PACRG: variants seen among roughly 807,000 people sequenced by gnomAD.
PACRG encodes parkin coregulated.
A neutral mutation model predicts 29.7 loss-of-function variants in PACRG; 29 were observed. The observed-to-expected ratio is 0.98, with a 90% confidence interval of 0.73 to 1.33. PACRG has a LOEUF of 1.33. Among genes scored for constraint, PACRG ranks in the 40% most tolerant of loss-of-function variants. The pLI, the probability that PACRG is intolerant of heterozygous loss-of-function variation, is 0.00. For missense variants in PACRG, 279 were observed against 316.2 expected (o/e 0.88, Z 0.89); for synonymous variants, 116 against 118.7 (o/e 0.98, Z 0.15).
chr6:162,989,813 G>A (rs1164266112), intron 2 of PACRG, among the ~76,000 whole-genome samples: 1 of 148,028 alleles, frequency 6.8e-6, no homozygotes, highest in African/African-American at 2.5e-5. Flanking sequence ...ATGTATACAT[G>A]TGCCATGCTG....
At chr6:162,986,059 A>G (rs925836864) in intron 2 of PACRG, among the ~76,000 whole-genome samples, 4 of 152,204 alleles carry the variant, frequency 2.6e-5, no homozygotes, top group African/African-American at 9.6e-5. Flanking sequence ...GAAAGAAATC[A>G]TAGTTGACAC....
At position 163,196,154 on chromosome 6, in the gene PACRG, G is replaced by T. The variant is rs182324277; in HGVS notation, c.613+106746G>T. Among the ~76,000 whole-genome samples, 42 of 152,334 alleles carry T rather than the reference G, an allele frequency of 2.8e-4. No homozygotes were observed. In the East Asian group the frequency reaches 3.3e-3, roughly 12 times the overall value. ...TCTCGCACAGCGTTTCCGCGAGAACGTTCCCTGATCATCTAGAGTTAGGGA... is the reference window on the plus strand; with the variant it reads ...TCTCGCACAGCGTTTCCGCGAGAACTTTCCCTGATCATCTAGAGTTAGGGA... On this transcript the variant is annotated intron_variant, in intron 4 of 4. Transcript: ENST00000366888.
rs377273822 is a variant in PACRG at position 162,728,374 on chromosome 6, A to G, written c.139A>G (p.Met47Val). Residue 47 changes from methionine (M) to valine (V), a missense_variant, in exon 1 of 5, where the codon ATG (methionine) becomes GTG (valine). By Grantham distance (21) the Met-to-Val change is conservative. Coordinates refer to ENST00000366888, the MANE Select transcript of PACRG (RefSeq NM_001080379.2). ...LVSEGFTVKAMMKNSVVRGPP... is the reference protein window; with the variant it reads ...LVSEGFTVKAVMKNSVVRGPP... Reference sequence around the variant, plus strand: ...TTCTGAGGGTTTCACAGTCAAAGCCATGATGAAAAACTCAGTCGTAAGTGA... The same window carrying G: ...TTCTGAGGGTTTCACAGTCAAAGCCGTGATGAAAAACTCAGTCGTAAGTGA... 6.8e-6 allele frequency: 11 copies of G among 1,612,908 alleles called. No individual in the cohort carries two copies. The highest frequency in any genetic ancestry group is 1.6e-4 in the Middle Eastern group (1 of 6,062).
intron 2 of PACRG, among the ~76,000 whole-genome samples, chr6:162,911,136 T>G (rs1796271936): frequency 6.6e-6 from 1 of 152,252 alleles, no homozygotes; most frequent in African/African-American, 2.4e-5. Flanking sequence ...CTTAGACAAT[T>G]AAAATCAAGA....
intron 3 of PACRG, among the ~76,000 whole-genome samples, chr6:163,071,860 A>T (rs1000320116): frequency 6.6e-6 from 1 of 151,838 alleles, no homozygotes; most frequent in African/African-American, 2.4e-5. Flanking sequence ...AAACACATAA[A>T]AACCTACCTA....
chr6:163,267,853 C>T (rs968502585), intron 4 of PACRG, among the ~76,000 whole-genome samples: 2 of 152,160 alleles, frequency 1.3e-5, no homozygotes, highest in Non-Finnish European at 2.9e-5. Context: ...GGCTCACTCT[C>T]TGATGTTTCT....
intron 4 of PACRG, among the ~76,000 whole-genome samples, chr6:163,248,101 G>T (rs916459477): frequency 6.6e-6 from 1 of 152,172 alleles, no homozygotes; most frequent in African/African-American, 2.4e-5. Context: ...ATGGCAACAA[G>T]GGTCATCAAT....
chr6:163,186,603 C>T (rs1212795520), intron 4 of PACRG, among the ~76,000 whole-genome samples: 1 of 152,162 alleles, frequency 6.6e-6, no homozygotes, highest in Admixed American at 6.5e-5. Context: ...CCGCTTCTGG[C>T]AGCCTCTTCC....
intron 2 of PACRG, among the ~76,000 whole-genome samples, chr6:162,913,309 A>G (rs1055026057): frequency 1.3e-5 from 2 of 152,284 alleles, no homozygotes; most frequent in East Asian, 3.9e-4. Context: ...TACAACATGT[A>G]CTGTGTTTGT....
rs1334311194 is a variant in PACRG, at chr6:162,959,236, G to C, written c.292-102914G>C. The stretch of plus-strand genomic sequence containing the variant: ...GCCTGGCCAACACATGGATATTATA[G>C]CGGGTGTATTGGAAGACAATAATTG... On this transcript the variant is annotated intron_variant, in intron 2 of 4. Coordinates refer to ENST00000366888, the MANE Select transcript of PACRG (RefSeq NM_001080379.2). Among the ~76,000 whole-genome samples the C allele has an allele frequency of 2.6e-5, 4 of 152,058 alleles. 1 individual carries two copies. The highest frequency in any genetic ancestry group is 2.6e-4 in the Admixed American group (4 of 15,250).
At chr6:163,267,448 C>T (rs1388984158) in intron 4 of PACRG, among the ~76,000 whole-genome samples, 7 of 152,180 alleles carry the variant, frequency 4.6e-5, no homozygotes, top group Admixed American at 3.9e-4. Context: ...CTTTTAAGAT[C>T]AGTCATATCC....
intron 2 of PACRG, among the ~76,000 whole-genome samples, chr6:163,011,780 C>T (rs970708454): frequency 6.6e-6 from 1 of 152,146 alleles, no homozygotes; most frequent in Non-Finnish European, 1.5e-5. Flanking sequence ...ATTCTATAAG[C>T]TCTTTATTTT....
At chr6:163,086,314 C>G (rs547442146) in intron 3 of PACRG, among the ~76,000 whole-genome samples, 4 of 152,210 alleles carry the variant, frequency 2.6e-5, no homozygotes, top group Admixed American at 2.6e-4. Context: ...TCCTCACCTT[C>G]TCATGGTGAT....
chr6:162,922,493 C>T (rs1405203766), intron 2 of PACRG, among the ~76,000 whole-genome samples: 1 of 151,924 alleles, frequency 6.6e-6, no homozygotes, highest in African/African-American at 2.4e-5. Context: ...ATTCACCCTG[C>T]AGTGCAGTGG....
chr6:163,199,156 C>T (rs1369082151), intron 4 of PACRG, among the ~76,000 whole-genome samples: 2 of 152,146 alleles, frequency 1.3e-5, no homozygotes, highest in Non-Finnish European at 2.9e-5. Context: ...GATTTATTTT[C>T]CTTTCACATG....
intron 3 of PACRG, 80 bp downstream of exon 3, chr6:163,062,401 T>C: frequency 9.1e-6 from 13 of 1,431,214 alleles, no homozygotes; most frequent in Non-Finnish European, 7.5e-6. Context: ...CAATAAACCA[T>C]GACAGACTGA....
At chr6:163,115,446 C>T (rs1815935755) in intron 4 of PACRG, among the ~76,000 whole-genome samples, 1 of 152,048 alleles carries the variant, frequency 6.6e-6, no homozygotes, top group African/African-American at 2.4e-5. Context: ...GAAAAGCATC[C>T]TAAGAGTGAT....
rs191159923 is a variant in PACRG, at chr6:162,892,336, T to C, written c.291+78055T>C. On this transcript the variant is annotated intron_variant, in intron 2 of 4. Transcript: ENST00000366888. ...AAGACATCTGACTTTGGTCTCCTCC[T>C]GGTCACACGCTTGACTAAGACACGT... Among the ~76,000 whole-genome samples, 47 of 152,328 alleles carry C rather than the reference T, an allele frequency of 3.1e-4. No homozygotes were observed. In the East Asian group the frequency reaches 8.7e-3, roughly 28 times the overall value.
chr6:163,160,208 A>G (rs1327214029), intron 4 of PACRG, among the ~76,000 whole-genome samples: 6 of 152,294 alleles, frequency 3.9e-5, no homozygotes, highest in Non-Finnish European at 8.8e-5. Context: ...TTGACAGTTA[A>G]TGCTTCCAAG....
Sources: allele counts gnomAD v4.1 joint callset (sites outside exome capture counted in the v4.1 genomes callset), GRCh38; gene constraint gnomAD v4.1.1; transcripts MANE v1.5; gene names NCBI Gene and HGNC (gene_info 2026-07-23, HGNC 2026-07-21).